Variants in LRGUK observed in about 807,000 individuals in gnomAD.
LRGUK encodes leucine rich repeats and guanylate kinase domain containing, also known as leucine-rich repeat and guanylate kinase domain-containing protein.
In LRGUK, 65 loss-of-function variants were observed where a neutral mutation model predicts 76.0. That is an observed-to-expected ratio of 0.85 (90% confidence interval 0.70 to 1.05). The LOEUF is 1.05. Among genes scored for constraint, LRGUK ranks in the 50% least tolerant of loss-of-function variants. LRGUK has a pLI of 0.00. For synonymous variants in LRGUK, 268 were observed against 265.6 expected, an observed-to-expected ratio of 1.01 and a Z score of -0.09; for missense variants, 758 against 732.8, an observed-to-expected ratio of 1.03 and a Z score of -0.40.
intron 3 of LRGUK, among the ~76,000 whole-genome samples, chr7:134,142,062 A>G (rs972946957): frequency 6.6e-6 from 1 of 152,170 alleles, no homozygotes; most frequent in Non-Finnish European, 1.5e-5. Flanking sequence ...TTCCTTCCCC[A>G]GGTCTGCATG....
At chr7:134,252,858 T>C (rs1261113451) in intron 18 of LRGUK, among the ~76,000 whole-genome samples, 1 of 152,188 alleles carries the variant, frequency 6.6e-6, no homozygotes, top group African/African-American at 2.4e-5. Context: ...TGATAGCTAA[T>C]TGCACTATGT....
At chr7:134,183,290 G>A (rs1799836621) in intron 10 of LRGUK, among the ~76,000 whole-genome samples, 1 of 152,174 alleles carries the variant, frequency 6.6e-6, no homozygotes, top group Non-Finnish European at 1.5e-5. Flanking sequence ...ATGCTTCCTG[G>A]CACATAGTAA....
At chr7:134,265,948 TG>T (rs1442167867), downstream of LRGUK, among the ~76,000 whole-genome samples, 1 of 152,144 alleles carries the variant, frequency 6.6e-6, no homozygotes, top group African/African-American at 2.4e-5. Flanking sequence ...TGTGACAAGG[TG>T]CCTCTCCCCC....
intron 1 of LRGUK, among the ~76,000 whole-genome samples, chr7:134,127,908 G>A (rs1437473536): frequency 6.6e-6 from 1 of 151,418 alleles, no homozygotes; most frequent in Admixed American, 6.6e-5. Context: ...GATTTCTTAT[G>A]AGTCGAGTTA....
chr7:134,136,888 T>C, intron 1 of LRGUK, 135 bp from the exon 2 acceptor site: 1 of 636,738 alleles, frequency 1.6e-6, no homozygotes, highest in East Asian at 2.8e-5. Context: ...CAGAATTTTT[T>C]TGGGGGTTGG....
In LRGUK at chr7:134,176,968, T is replaced by C. The variant is rs1799507424; in HGVS notation, c.1021-9T>C. On this transcript the variant is annotated splice_polypyrimidine_tract_variant and intron_variant, in intron 8 of 15. Transcript: ENST00000645682. Reference sequence around the variant, plus strand: ...GGCAACTGAACAGTCCTCTTGATATTTTAAATAGGAAAAGTCTGAATATTG... The same window carrying C: ...GGCAACTGAACAGTCCTCTTGATATCTTAAATAGGAAAAGTCTGAATATTG... 2 of 1,553,994 alleles carry C rather than the reference T, an allele frequency of 1.3e-6. No homozygotes were observed. The highest frequency in any genetic ancestry group is 1.8e-6 in the Non-Finnish European group (2 of 1,129,932).
chr7:134,185,387 C>A (rs772562658), intron 11 of LRGUK, among the ~76,000 whole-genome samples: 3 of 152,032 alleles, frequency 2.0e-5, no homozygotes, highest in Non-Finnish European at 4.4e-5. Flanking sequence ...ATGGCAAAAT[C>A]TCTTCTCTAC....
At chr7:134,182,643 C>G (rs1346951167) in intron 10 of LRGUK, among the ~76,000 whole-genome samples, 1 of 152,204 alleles carries the variant, frequency 6.6e-6, no homozygotes, top group African/African-American at 2.4e-5. Context: ...AGAATCCACA[C>G]CTCAGCCATG....
chr7:134,163,252 A>T (rs985279271), intron 6 of LRGUK, 145 bp from the exon 7 acceptor site: 13 of 630,148 alleles, frequency 2.1e-5, no homozygotes, highest in Non-Finnish European at 3.4e-5. Flanking sequence ...GAGGTGAATG[A>T]TGGAAATGGG....
chr7:134,252,940 C>T lies in LRGUK; in HGVS notation c.2198+3864C>T, dbSNP rs919374872. 2.0e-5 allele frequency among the ~76,000 whole-genome samples: 3 copies of T among 152,168 alleles called. No individual in the cohort carries two copies. The East Asian group carries it at 5.8e-4, about 29-fold the overall frequency. On this transcript the variant is annotated intron_variant, in intron 18 of 19. Coordinates refer to the LRGUK transcript ENST00000285928. ...TGGCTCCTACCCTTTTAATCTCTGC[C>T]ACAGTCAATATCATCCTAGTAAACA...
chr7:134,243,609 GA>G (rs1380629374), intron 16 of LRGUK, among the ~76,000 whole-genome samples: 1 of 152,100 alleles, frequency 6.6e-6, no homozygotes, highest in Admixed American at 6.6e-5. Context: ...TCAATATTGT[GA>G]AAATGGCCAT....
intron 6 of LRGUK, among the ~76,000 whole-genome samples, chr7:134,158,644 A>C (rs921895557): frequency 6.6e-6 from 1 of 152,206 alleles, no homozygotes; most frequent in African/African-American, 2.4e-5. Context: ...CACTATAGAA[A>C]ATCAAAAATA....
At chr7:134,236,489 C>A (rs1484704549) in intron 16 of LRGUK, among the ~76,000 whole-genome samples, 1 of 152,156 alleles carries the variant, frequency 6.6e-6, no homozygotes, top group Non-Finnish European at 1.5e-5. Context: ...TTGGGTTTTG[C>A]CAGTTGCATG....
intron 1 of LRGUK, among the ~76,000 whole-genome samples, chr7:134,128,181 A>T (rs372687577): frequency 1.3e-5 from 2 of 152,066 alleles, no homozygotes; most frequent in East Asian, 1.9e-4. Context: ...AGTTGAATAC[A>T]TTACTTCTGT....
intron 19 of LRGUK, among the ~76,000 whole-genome samples, chr7:134,260,602 G>C (rs1308351695): frequency 6.6e-6 from 1 of 152,168 alleles, no homozygotes; most frequent in South Asian, 2.1e-4. Context: ...CTGGGCTTGT[G>C]TGTGTGCTTT....
intron 5 of LRGUK, among the ~76,000 whole-genome samples, chr7:134,155,816 T>G (rs141089761): frequency 7.2e-4 from 109 of 152,314 alleles, no homozygotes; most frequent in African/African-American, 2.6e-3. Context: ...GTAGTAAAGT[T>G]GGGATAATTA....
downstream of LRGUK, among the ~76,000 whole-genome samples, chr7:134,269,347 ATTC>A (rs1363707373): frequency 8.2e-6 from 1 of 121,474 alleles, no homozygotes; most frequent in Non-Finnish European, 1.7e-5. Context: ...TATGATTTCA[ATTC>A]TTTTTTTTTT....
rs568627931 is a variant in LRGUK, at chr7:134,127,415, C to A, written c.48C>A (p.Leu16=). 1.3e-5 allele frequency: 21 copies of A among 1,613,840 alleles called. No homozygotes were observed. The African/African-American group carries it at 2.4e-4, about 18-fold the overall frequency. ...TCCTGAGGACCAGAGCTGCCTCTCTCCTGAGAGGCTTGGGCAGATCCCGAA... is the reference window on the plus strand; with the variant it reads ...TCCTGAGGACCAGAGCTGCCTCTCTACTGAGAGGCTTGGGCAGATCCCGAA... The change falls in exon 1 of 16, where the codon CTC becomes CTA. Residue 16 remains leucine, a synonymous_variant. Coordinates refer to ENST00000645682, the Ensembl canonical transcript of LRGUK.
chr7:134,153,659 C>A (rs1798326640), intron 5 of LRGUK, among the ~76,000 whole-genome samples: 3 of 152,168 alleles, frequency 2.0e-5, no homozygotes, highest in Admixed American at 2.0e-4. Context: ...TAAACTGAGA[C>A]TTCTGAATTC....
Sources: allele counts gnomAD v4.1 joint callset (sites outside exome capture counted in the v4.1 genomes callset), GRCh38; gene constraint gnomAD v4.1.1; transcripts MANE v1.5; gene names NCBI Gene and HGNC (gene_info 2026-07-23, HGNC 2026-07-21).